MLLT1: variants seen among roughly 807,000 people sequenced by gnomAD.
MLLT1 encodes MLLT1 super elongation complex subunit.
In MLLT1, 11 loss-of-function variants were observed where a neutral mutation model predicts 55.1. That is an observed-to-expected ratio of 0.20 (90% CI 0.13 to 0.33). The LOEUF is 0.33. Ranked by LOEUF, MLLT1 falls within the 10% of genes least tolerant of loss-of-function variation. The pLI, the probability that MLLT1 is intolerant of heterozygous loss-of-function variation, is 1.00. For synonymous variants in MLLT1, 323 were observed against 320.1 expected (o/e 1.01, Z -0.10); for missense variants, 536 against 760.6 (o/e 0.70, Z 3.47).
At chr19:6,245,879 C>T (rs541303400) in intron 3 of MLLT1, among the ~76,000 whole-genome samples, 14 of 152,032 alleles carry the variant, frequency 9.2e-5, no homozygotes, top group South Asian at 2.1e-4. Context: ...CCAGCCTAAG[C>T]GACACAGTAA....
At chr19:6,239,473 C>A (rs1047613876) in intron 3 of MLLT1, among the ~76,000 whole-genome samples, 4 of 152,186 alleles carry the variant, frequency 2.6e-5, no homozygotes, top group African/African-American at 9.7e-5. Flanking sequence ...GGCACAGCGG[C>A]CTGTGCTGAC....
intron 3 of MLLT1, among the ~76,000 whole-genome samples, chr19:6,239,209 C>T (rs866743308): frequency 1.3e-5 from 2 of 152,238 alleles, no homozygotes; most frequent in African/African-American, 4.8e-5. Context: ...GGCTGACACA[C>T]AGTCCGGCAA....
chr19:6,270,822 T>C lies in MLLT1; in HGVS notation c.13-63A>G. ...CGCCTCCAAGCAGGGGACTGTCCCC[T>C]TACCCACAGAGAACTTTCGATAAAG... On this transcript the variant is annotated intron_variant, in intron 1 of 11. Transcript: ENST00000252674. The surrounding 1 kb of genome is among the most constrained non-coding windows in gnomAD (Gnocchi z 7.1). 1 of 1,486,886 alleles carries C rather than the reference T, an allele frequency of 6.7e-7. No homozygotes were observed. The highest frequency in any genetic ancestry group is 9.1e-7 in the Non-Finnish European group (1 of 1,102,874). 92.1% of individuals were successfully genotyped at this position (1,486,886 alleles called of 1,614,324 possible). A position where few individuals can be genotyped will look rare whatever the true frequency, so the allele number is the denominator to read the frequency against.
intron 2 of MLLT1, among the ~76,000 whole-genome samples, chr19:6,269,015 A>T (rs1358476815): frequency 6.6e-6 from 1 of 152,150 alleles, no homozygotes; most frequent in Non-Finnish European, 1.5e-5. Context: ...CCAGGGACAG[A>T]GAAAAGGGGA....
intron 3 of MLLT1, among the ~76,000 whole-genome samples, chr19:6,236,672 C>T (rs1053244207): frequency 6.6e-6 from 1 of 152,218 alleles, no homozygotes; most frequent in African/African-American, 2.4e-5. Flanking sequence ...ATGCCCTCTA[C>T]ACGAGACCTG....
intron 5 of MLLT1, among the ~76,000 whole-genome samples, chr19:6,225,164 T>A (rs1251290963): frequency 6.6e-6 from 1 of 152,178 alleles, no homozygotes; most frequent in Non-Finnish European, 1.5e-5. Flanking sequence ...CTGCCCCCTC[T>A]ATGAGGCTGT....
At chr19:6,259,216 C>A (rs73557908) in intron 3 of MLLT1, 1 of 152,286 alleles carries the variant, frequency 6.6e-6, no homozygotes, top group Non-Finnish European at 1.5e-5. Context: ...ATTCCACTTA[C>A]CTGACCTCCC....
In MLLT1 at chr19:6,240,559, C is replaced by T. The variant is rs549042026; in HGVS notation, c.277-9846G>A. Among the ~76,000 whole-genome samples, 19 of 152,288 alleles carry T rather than the reference C, an allele frequency of 1.2e-4. No homozygotes were observed. In the East Asian group the frequency reaches 3.1e-3, roughly 25 times the overall value. ...CACTCAAGTGCTACTCCTCATCACA[C>T]GCTGGCCCAGAGACCCCCGGGATAC... is the stretch of plus-strand genomic sequence containing the variant. On this transcript the variant is annotated intron_variant, in intron 3 of 11. Coordinates refer to ENST00000252674, the MANE Select transcript of MLLT1 (RefSeq NM_005934.4). The surrounding 1 kb of genome is among the most constrained non-coding windows in gnomAD (Gnocchi z 4.7).
In MLLT1 at chr19:6,256,953, G is replaced by A. The variant is rs879852082; in HGVS notation, c.276+5275C>T. Reference sequence around the variant, plus strand: ...CGAAAGAACAGTCTCTTCAGTGAACGGTGCTGGGACACCTGGAAAACCACA... The same window carrying A: ...CGAAAGAACAGTCTCTTCAGTGAACAGTGCTGGGACACCTGGAAAACCACA... On this transcript the variant is annotated intron_variant, in intron 3 of 11. Transcript: ENST00000252674. This position sits in a 1 kb window ranked among gnomAD's most constrained non-coding sequence, Gnocchi z 4.1. Among the ~76,000 whole-genome samples the A allele has an allele frequency of 6.6e-6, 1 of 152,220 alleles. No individual in the cohort carries two copies. The highest frequency in any genetic ancestry group is 2.1e-4 in the South Asian group (1 of 4,828).
chr19:6,259,873 T>A (rs1381491746), intron 3 of MLLT1: 1 of 149,594 alleles, frequency 6.7e-6, no homozygotes, highest in Admixed American at 6.6e-5. Flanking sequence ...ATGCTGAGAT[T>A]TGAAAAACCT....
In MLLT1 at chr19:6,211,532, A is replaced by C. The variant is rs1390566871; in HGVS notation, c.*1510T>G. On this transcript the variant is annotated 3_prime_UTR_variant, in exon 12 of 12. Coordinates refer to ENST00000252674, the MANE Select transcript of MLLT1 (RefSeq NM_005934.4). This position sits in a 1 kb window ranked among gnomAD's most constrained non-coding sequence, Gnocchi z 4.6. The stretch of plus-strand genomic sequence containing the variant: ...AGGGAGGGACAGATGGAGCCCCCCA[A>C]GTCTGAACTCATAGGCTGGGGAGGA... 2 of 926,026 alleles carry C rather than the reference A, an allele frequency of 2.2e-6. No individual in the cohort carries two copies. The highest frequency in any genetic ancestry group is 1.3e-6 in the Non-Finnish European group (1 of 751,992). 57.4% of individuals were successfully genotyped at this position (926,026 alleles called of 1,614,324 possible).
At chr19:6,264,786 T>C (rs1327052574) in intron 2 of MLLT1, among the ~76,000 whole-genome samples, 1 of 150,088 alleles carries the variant, frequency 6.7e-6, no homozygotes, top group Non-Finnish European at 1.5e-5. Context: ...TCCCAGCTAC[T>C]TGGGAGGCTG....
At chr19:6,215,376 C>T (rs2090831206) in intron 8 of MLLT1, among the ~76,000 whole-genome samples, 2 of 152,246 alleles carry the variant, frequency 1.3e-5, no homozygotes, top group African/African-American at 4.8e-5. Context: ...CGGGAGCCTG[C>T]TTCCAGGTCC....
chr19:6,233,593 G>A (rs541595606), intron 3 of MLLT1, among the ~76,000 whole-genome samples: 1 of 152,200 alleles, frequency 6.6e-6, no homozygotes, highest in Non-Finnish European at 1.5e-5. Context: ...AAACAAAACT[G>A]CAGGGACAAA....
In MLLT1 at chr19:6,235,394, C is replaced by CCACAGCCACAGTGCTCAG. The variant is rs1555705938; in HGVS notation, c.277-4699_277-4682dup. Among the ~76,000 whole-genome samples the CCACAGCCACAGTGCTCAG allele has an allele frequency of 6.6e-6, 1 of 152,188 alleles. No individual in the cohort carries two copies. The highest frequency in any genetic ancestry group is 1.5e-5 in the Non-Finnish European group (1 of 68,014). ...CAGCATGGGGGGATTCGCTGCAATG[C>CCACAGCCACAGTGCTCAG]CACAGCCACAGTGCTCAGCACCCTG... On this transcript the variant is annotated intron_variant, in intron 3 of 11. Transcript: ENST00000252674. The surrounding 1 kb of genome is among the most constrained non-coding windows in gnomAD (Gnocchi z 5.5).
Position 6,240,333 on chromosome 19 carries a change from G to A in MLLT1, c.277-9620C>T, listed in dbSNP as rs1261393218. Among the ~76,000 whole-genome samples, 1 of 152,230 alleles carries A rather than the reference G, an allele frequency of 6.6e-6. No individual in the cohort carries two copies. The highest frequency in any genetic ancestry group is 2.4e-5 in the African/African-American group (1 of 41,478). ...CTGGCCCTGGTCAGGGGAGGCGGGG[G>A]AGTTTTCTTCTTGTACCCCTGAACT... On this transcript the variant is annotated intron_variant, in intron 3 of 11. Transcript: ENST00000252674. This position sits in a 1 kb window ranked among gnomAD's most constrained non-coding sequence, Gnocchi z 4.7.
At chr19:6,213,215 T>C in intron 11 of MLLT1, 45 bp from the exon 12 acceptor site, 1 of 1,612,654 alleles carries the variant, frequency 6.2e-7, no homozygotes, top group Non-Finnish European at 8.5e-7. Context: ...GGGCCAAGGG[T>C]GGGGTTGCCC....
At chr19:6,274,767 G>A (rs1600222547) in intron 1 of MLLT1, among the ~76,000 whole-genome samples, 1 of 152,194 alleles carries the variant, frequency 6.6e-6, no homozygotes, top group African/African-American at 2.4e-5. Context: ...AGAGCTGTCC[G>A]TCTCACTTCT....
intron 1 of MLLT1, among the ~76,000 whole-genome samples, chr19:6,271,169 C>T (rs2091392582): frequency 6.6e-6 from 1 of 152,092 alleles, no homozygotes; most frequent in Admixed American, 6.5e-5. Context: ...CTCCCCTGAC[C>T]ACCGATCCAA....
Sources: allele counts gnomAD v4.1 joint callset (sites outside exome capture counted in the v4.1 genomes callset), GRCh38; gene constraint gnomAD v4.1.1; non-coding constraint Gnocchi (gnomAD v3.1); transcripts MANE v1.5; gene names NCBI Gene and HGNC (gene_info 2026-07-23, HGNC 2026-07-21).